Variants in TM9SF3 observed in about 807,000 individuals in gnomAD.
TM9SF3 encodes the protein SM-11044-binding protein.
TM9SF3 carries 14 observed loss-of-function variants against 78.6 expected under a neutral mutation model. That is an observed-to-expected ratio of 0.18 (90% CI 0.12 to 0.28). TM9SF3 has a LOEUF of 0.28. Ranked by LOEUF, TM9SF3 falls within the 10% of genes least tolerant of loss-of-function variation. The pLI is 1.00. For missense variants in TM9SF3, 496 were observed against 721.9 expected (o/e 0.69, Z 3.59); for synonymous variants, 231 against 241.7 (o/e 0.96, Z 0.41).
chr10:96,559,055 C>A (rs867878642), intron 5 of TM9SF3, among the ~76,000 whole-genome samples: 10 of 152,252 alleles, frequency 6.6e-5, no homozygotes, highest in South Asian at 2.1e-4. Context: ...TCGGTGGGGG[C>A]TGGGGAACTG....
chr10:96,574,890 A>G (rs1848479027), intron 2 of TM9SF3, among the ~76,000 whole-genome samples: 1 of 152,160 alleles, frequency 6.6e-6, no homozygotes. Flanking sequence ...ACATGGACAC[A>G]GGGAAGGGAA....
At chr10:96,548,062 C>T in intron 7 of TM9SF3, 73 bp from the exon 8 acceptor site, 3 of 909,518 alleles carry the variant, frequency 3.3e-6, no homozygotes, top group Non-Finnish European at 4.9e-6. Context: ...ATTATATTAG[C>T]ATTAGTTTAA....
In TM9SF3 at chr10:96,522,095, A is replaced by T. The variant is rs1316080515; in HGVS notation, c.*168T>A. ...TGGAGAAAGCAGTCAGGAAGAACCT[A>T]GGATCAATGGAAATAGATGTTACTT... On this transcript the variant is annotated 3_prime_UTR_variant, in exon 15 of 15. Coordinates refer to ENST00000371142, the MANE Select transcript of TM9SF3 (RefSeq NM_020123.4). 9.7e-6 allele frequency: 6 copies of T among 620,554 alleles called. No homozygotes were observed. Among genetic ancestry groups the T allele is most frequent in the Non-Finnish European group, 1.4e-5 (5 of 352,944 alleles). The allele number at this position is 620,554 out of a possible 1,614,324, so 38.4% of individuals were successfully genotyped here.
Position 96,521,121 on chromosome 10 carries a change from CAGA to C in TM9SF3, c.*1139_*1141del, listed in dbSNP as rs972636336. The C allele has an allele frequency of 4.0e-5, 15 of 377,576 alleles. No homozygotes were observed. Among genetic ancestry groups the C allele is most frequent in the African/African-American group, 2.7e-4 (13 of 48,046 alleles). 23.4% of individuals were successfully genotyped at this position (377,576 alleles called of 1,614,324 possible). On this transcript the variant is annotated 3_prime_UTR_variant, in exon 15 of 15. Transcript: ENST00000371142. ...TCCTGTAGGAGTCTCAGAAAATAAA[CAGA>C]AGAAAACAACCCCCCTCCCAAAAGA...
rs757810989 is a variant in TM9SF3 at position 96,551,345 on chromosome 10, G to T, written c.859C>A (p.His287Asn). 3 of 1,612,812 alleles carry T rather than the reference G, an allele frequency of 1.9e-6. No homozygotes were observed. In the South Asian group the frequency reaches 3.3e-5, roughly 18 times the overall value. Residue 287 changes from histidine (H) to asparagine (N), a missense_variant, in exon 7 of 15, where the codon CAC becomes AAC. By Grantham distance (68) the His-to-Asn change is moderately conservative. This residue lies in a region of TM9SF3 where 280 missense variants were observed against 422.6 expected (regional missense o/e 0.66). Coordinates refer to ENST00000371142, the MANE Select transcript of TM9SF3 (RefSeq NM_020123.4). Reference protein sequence around the residue: ...VHGDVFRPSSHPLIFSSLIGS... With the variant: ...VHGDVFRPSSNPLIFSSLIGS... The stretch of plus-strand genomic sequence containing the variant: ...ATCAGAGAGGAAAATATCAGTGGGT[G>T]ACTTGATGGTCTAAATACATCTCCA...
In TM9SF3 at chr10:96,518,915, T is replaced by A. The variant is rs1038258855; in HGVS notation, c.*3348A>T. The A allele has an allele frequency of 2.0e-5, 3 of 152,050 alleles. No individual in the cohort carries two copies. The highest frequency in any genetic ancestry group is 4.4e-5 in the Non-Finnish European group (3 of 67,940). The allele number at this position is 152,050 out of a possible 1,614,324, so 9.4% of individuals were successfully genotyped here. On this transcript the variant is annotated 3_prime_UTR_variant, in exon 15 of 15. Coordinates refer to ENST00000371142, the MANE Select transcript of TM9SF3 (RefSeq NM_020123.4). ...TAATGAATACTTGTGTTTTAATACA[T>A]CACTACTCCTATTTATTACATGTTC...
At chr10:96,523,843 C>CA (rs1847808988) in intron 14 of TM9SF3, among the ~76,000 whole-genome samples, 1 of 151,850 alleles carries the variant, frequency 6.6e-6, no homozygotes, top group South Asian at 2.1e-4. Flanking sequence ...TTCAGCCAAG[C>CA]AATTCATGAA....
At chr10:96,526,756 G>C (rs1847842548) in intron 14 of TM9SF3, among the ~76,000 whole-genome samples, 1 of 152,040 alleles carries the variant, frequency 6.6e-6, no homozygotes, top group Non-Finnish European at 1.5e-5. Context: ...GGTGTCTCCT[G>C]GTTTCTCCAA....
intron 7 of TM9SF3, among the ~76,000 whole-genome samples, chr10:96,550,033 C>A (rs971853513): frequency 9.2e-5 from 14 of 152,202 alleles, no homozygotes; most frequent in African/African-American, 3.1e-4. Context: ...TATTTAGGGT[C>A]CAGCTTATCT....
rs759346625 is a variant in TM9SF3, at chr10:96,527,459, T to C, written c.1579A>G (p.Ile527Val). ...TSFLSAASTA[I>V]YVYMYSFYYY... ...TAAAAGGAATACATGTAAACATAGA[T>C]TGCAGTTGATGCAGCAGAGAGAAAA... Residue 527 changes from isoleucine (I) to valine (V), a missense_variant, in exon 13 of 15, where the codon ATC (isoleucine) becomes GTC (valine). Ile to Val is a conservative substitution (Grantham distance 29, BLOSUM62 3). This residue lies in a region of TM9SF3 where 280 missense variants were observed against 422.6 expected (regional missense o/e 0.66). Transcript: ENST00000371142. 8.1e-6 allele frequency: 13 copies of C among 1,611,204 alleles called. No homozygotes were observed. The Admixed American group carries it at 8.4e-5, about 10-fold the overall frequency.
At position 96,530,530 on chromosome 10, in the gene TM9SF3, C is replaced by T. The variant is rs367999328; in HGVS notation, c.1394+10G>A. 1 of 1,603,834 alleles carries T rather than the reference C, an allele frequency of 6.2e-7. No homozygotes were observed. The highest frequency in any genetic ancestry group is 1.3e-5 in the African/African-American group (1 of 74,526). Reference sequence around the variant, plus strand: ...ATCCCTCAAAACATAAATACATTATCAAAACTTACATTTCAATAAAGATTG... The same window carrying T: ...ATCCCTCAAAACATAAATACATTATTAAAACTTACATTTCAATAAAGATTG... On this transcript the variant is annotated intron_variant, in intron 11 of 14. Coordinates refer to ENST00000371142, the MANE Select transcript of TM9SF3 (RefSeq NM_020123.4).
chr10:96,580,202 C>T (rs1191284040), intron 1 of TM9SF3, among the ~76,000 whole-genome samples: 5 of 152,204 alleles, frequency 3.3e-5, no homozygotes, highest in Non-Finnish European at 7.3e-5. Flanking sequence ...GCTACACTTA[C>T]GTCATCCACG....
intron 1 of TM9SF3, among the ~76,000 whole-genome samples, chr10:96,585,367 C>A (rs1165303089): frequency 1.3e-5 from 2 of 152,154 alleles, no homozygotes; most frequent in African/African-American, 4.8e-5. Context: ...GAAACAATAG[C>A]AGTTCTTAAA....
Position 96,559,753 on chromosome 10 carries a change from C to A in TM9SF3, c.583-17G>T. 1.3e-6 allele frequency: 2 copies of A among 1,503,636 alleles called. No homozygotes were observed. The highest frequency in any genetic ancestry group is 2.0e-5 in the Admixed American group (1 of 51,204). The allele number at this position is 1,503,636 out of a possible 1,614,324, so 93.1% of individuals were successfully genotyped here. Reference sequence around the variant, plus strand: ...CCATTTTACCTAAAAAAAATTTTTTCATTTGAAAATAAAGGCCAGTAAACA... The same window carrying A: ...CCATTTTACCTAAAAAAAATTTTTTAATTTGAAAATAAAGGCCAGTAAACA... On this transcript the variant is annotated splice_polypyrimidine_tract_variant and intron_variant, in intron 4 of 14. Coordinates refer to ENST00000371142, the MANE Select transcript of TM9SF3 (RefSeq NM_020123.4).
intron 9 of TM9SF3, among the ~76,000 whole-genome samples, chr10:96,540,381 T>C (rs2134136620): frequency 6.6e-6 from 1 of 152,336 alleles, no homozygotes; most frequent in South Asian, 2.1e-4. Context: ...ACCTCTGCTC[T>C]CACACAGTTA....
intron 9 of TM9SF3, among the ~76,000 whole-genome samples, chr10:96,537,158 G>T (rs1367724960): frequency 6.6e-6 from 1 of 152,116 alleles, no homozygotes; most frequent in African/African-American, 2.4e-5. Flanking sequence ...ACCTCATATT[G>T]TTCAAAAGTC....
intron 2 of TM9SF3, 154 bp downstream of exon 2, chr10:96,576,480 G>C (rs559219165): frequency 1.7e-6 from 1 of 595,594 alleles, no homozygotes. Flanking sequence ...GGCATCTGGG[G>C]GGTACAGGCC....
At chr10:96,554,518 G>A (rs955897055) in intron 5 of TM9SF3, among the ~76,000 whole-genome samples, 3 of 152,020 alleles carry the variant, frequency 2.0e-5, no homozygotes, top group East Asian at 1.9e-4. Context: ...TTCACTGACC[G>A]CTGCTTCTCC....
At chr10:96,545,934 ACT>A (rs1848093249) in intron 8 of TM9SF3, among the ~76,000 whole-genome samples, 1 of 151,650 alleles carries the variant, frequency 6.6e-6, no homozygotes, top group Non-Finnish European at 1.5e-5. Flanking sequence ...TCCTTATCCA[ACT>A]CTCTATTTCT....
Sources: allele counts gnomAD v4.1 joint callset (sites outside exome capture counted in the v4.1 genomes callset), GRCh38; gene constraint gnomAD v4.1.1; regional missense constraint gnomAD v4.1.1; transcripts MANE v1.5; gene names NCBI Gene and HGNC (gene_info 2026-07-23, HGNC 2026-07-21).